The following PCDHGA2 variants were observed in gnomAD, a reference collection of about 807,000 sequenced individuals.
PCDHGA2 encodes the protein protocadherin gamma-A2.
A neutral mutation model predicts 59.2 loss-of-function variants in PCDHGA2; 40 were observed. The ratio of observed to expected loss-of-function variants is 0.68; its 90% CI spans 0.52 to 0.88. The LOEUF is 0.88. PCDHGA2 is among the 40% of genes least tolerant of loss of function. The pLI is 0.00. For synonymous variants in PCDHGA2, 560 were observed against 526.0 expected, an observed-to-expected ratio of 1.06 and a Z score of -0.89; for missense variants, 1,226 against 1,204.0, an observed-to-expected ratio of 1.02 and a Z score of -0.27.
At chr5:141,362,036 A>G in intron 1 of PCDHGA2, 1 of 1,609,914 alleles carries the variant, frequency 6.2e-7, no homozygotes, top group South Asian at 1.1e-5. Context: ...GCCTTGGGCG[A>G]CAGGGACGCG....
rs200422536 is a variant in PCDHGA2, at chr5:141,351,348, C to A, written c.2424+9953C>A. ...GATTCAGACCTTGGAACTGTAATAG[C>A]CCTCATAAAAGTGCGAGACAAGGAT... On this transcript the variant is annotated intron_variant, in intron 1 of 3. Coordinates refer to ENST00000394576, the MANE Select transcript of PCDHGA2 (RefSeq NM_018915.4). 4.3e-6 allele frequency: 7 copies of A among 1,613,314 alleles called. No individual in the cohort carries two copies. In the Admixed American group the frequency reaches 1.0e-4, roughly 23 times the overall value.
At chr5:141,459,136 T>C (rs1044347522) in intron 1 of PCDHGA2, among the ~76,000 whole-genome samples, 2 of 152,224 alleles carry the variant, frequency 1.3e-5, no homozygotes, top group Non-Finnish European at 2.9e-5. Context: ...GTAACCACCA[T>C]GCAATCAAAA....
intron 2 of PCDHGA2, among the ~76,000 whole-genome samples, chr5:141,496,827 C>A (rs1595415247): frequency 6.6e-6 from 1 of 151,780 alleles, no homozygotes; most frequent in East Asian, 1.9e-4. Context: ...TAGATGTGAT[C>A]CCAGAACTCA....
rs368927472 is a variant in PCDHGA2 at position 141,490,874 on chromosome 5, A to G, written c.2425-3933A>G. The G allele has an allele frequency of 2.4e-5, 39 of 1,613,830 alleles. No individual in the cohort carries two copies. Among genetic ancestry groups the G allele is most frequent in the Non-Finnish European group, 3.1e-5 (36 of 1,179,960 alleles). ...CGAGACTCCGGCTCTCCCCCATTGCATGCCAACACATCTCTGCATGTGTTT... is the reference window on the plus strand; with the variant it reads ...CGAGACTCCGGCTCTCCCCCATTGCGTGCCAACACATCTCTGCATGTGTTT... On this transcript the variant is annotated intron_variant, in intron 1 of 3. Transcript: ENST00000394576. This position sits in a 1 kb window ranked among gnomAD's most constrained non-coding sequence, Gnocchi z 5.4.
intron 1 of PCDHGA2, chr5:141,384,394 G>C (rs1252206948): frequency 1.2e-6 from 2 of 1,613,814 alleles, no homozygotes; most frequent in Non-Finnish European, 1.7e-6. Context: ...CATCCAGGGG[G>C]CTCCAGTGTC....
At chr5:141,463,981 A>G (rs1441851777) in intron 1 of PCDHGA2, among the ~76,000 whole-genome samples, 1 of 152,150 alleles carries the variant, frequency 6.6e-6, no homozygotes, top group Non-Finnish European at 1.5e-5. Context: ...ACTCCATTGT[A>G]AAAACCAGGT....
intron 1 of PCDHGA2, chr5:141,372,116 C>T: frequency 6.2e-7 from 1 of 1,613,806 alleles, no homozygotes; most frequent in Non-Finnish European, 8.5e-7. Context: ...GCTCTGCGCT[C>T]TTCGATATGG....
intron 1 of PCDHGA2, chr5:141,365,218 C>T: frequency 1.2e-6 from 2 of 1,613,898 alleles, no homozygotes; most frequent in Non-Finnish European, 1.7e-6. Context: ...AACTTGATTC[C>T]AACCTGGGGG....
At chr5:141,347,150 T>TCTTTCTTTCTTTCTTTCTTTCTTTCTTC (rs1757908746) in intron 1 of PCDHGA2, among the ~76,000 whole-genome samples, 9 of 132,996 alleles carry the variant, frequency 6.8e-5, no homozygotes, top group African/African-American at 2.5e-4. Flanking sequence ...TTTCTTTCTT[T>TCTTTCTTTCTTTCTTTCTTTCTTTCTTC]CTTTCTTTCT....
At position 141,500,878 on chromosome 5, in the gene PCDHGA2, T is replaced by A. The variant is rs545375199; in HGVS notation, c.2484-4515T>A. On this transcript the variant is annotated intron_variant, in intron 2 of 3. Transcript: ENST00000394576. The stretch of plus-strand genomic sequence containing the variant: ...AGAAAACATACACATTCATTTACAA[T>A]TTTTTTTTTTTGAGACAGTCTCGCT... Among the ~76,000 whole-genome samples, 20 of 92,410 alleles carry A rather than the reference T, an allele frequency of 2.2e-4. 1 individual carries two copies. The East Asian group carries it at 4.8e-3, about 22-fold the overall frequency. The allele number at this position is 92,410 out of a possible 152,430, so 60.6% of individuals were successfully genotyped here.
chr5:141,502,308 C>T (rs928137926), intron 2 of PCDHGA2, among the ~76,000 whole-genome samples: 2 of 151,586 alleles, frequency 1.3e-5, no homozygotes, highest in Non-Finnish European at 2.9e-5. Flanking sequence ...CTTTCCTCTC[C>T]TTTAATCTGG....
chr5:141,360,010 C>A, intron 1 of PCDHGA2: 1 of 1,236,796 alleles, frequency 8.1e-7, no homozygotes, highest in Non-Finnish European at 1.1e-6. Flanking sequence ...AAACCAACCA[C>A]ACAGAGAAGG....
In PCDHGA2 at chr5:141,511,188, C is replaced by A; in HGVS notation, c.*15C>A. 1 of 1,613,804 alleles carries A rather than the reference C, an allele frequency of 6.2e-7. No homozygotes were observed. ...AGAAGAAGTAACATGGAGGCCAGGC[C>A]AAGAGCCACAGGGCGGCCTCTCCCC... On this transcript the variant is annotated 3_prime_UTR_variant, in exon 4 of 4. Transcript: ENST00000394576.
At chr5:141,352,676 T>A (rs1759076682) in intron 1 of PCDHGA2, 2 of 1,573,452 alleles carry the variant, frequency 1.3e-6, no homozygotes, top group Non-Finnish European at 1.7e-6. Flanking sequence ...GCACGTGAGT[T>A]TCTGCAAATC....
intron 1 of PCDHGA2, among the ~76,000 whole-genome samples, chr5:141,460,983 GTATATA>G (rs59296681): frequency 0.23 from 32,081 of 137,558 alleles, 4,351 homozygotes; most frequent in African/African-American, 0.39. Context: ...GTGTGTGTGT[GTATATA>G]TATATATGTG....
intron 1 of PCDHGA2, chr5:141,413,395 G>C: frequency 6.2e-7 from 1 of 1,614,050 alleles, no homozygotes; most frequent in Non-Finnish European, 8.5e-7. Context: ...AGTCTCCAGA[G>C]GTAGGACGCA....
rs148558897 is a variant in PCDHGA2, at chr5:141,489,890, G to A, written c.2425-4917G>A. On this transcript the variant is annotated intron_variant, in intron 1 of 3. Coordinates refer to ENST00000394576, the MANE Select transcript of PCDHGA2 (RefSeq NM_018915.4). The surrounding 1 kb of genome is among the most constrained non-coding windows in gnomAD (Gnocchi z 4.5). Reference sequence around the variant, plus strand: ...CAGCTGGTGCTTACTGCTGTGGATGGGGGGACCCCAGCCCGCTCAGGGACC... The same window carrying A: ...CAGCTGGTGCTTACTGCTGTGGATGAGGGGACCCCAGCCCGCTCAGGGACC... 6.2e-7 allele frequency: 1 copy of A among 1,614,198 alleles called. No homozygotes were observed. The highest frequency in any genetic ancestry group is 8.5e-7 in the Non-Finnish European group (1 of 1,180,028).
Position 141,505,374 on chromosome 5 carries a change from C to T in PCDHGA2, c.2484-19C>T. The T allele has an allele frequency of 2.5e-6, 4 of 1,614,004 alleles. No homozygotes were observed. Among genetic ancestry groups the T allele is most frequent in the Non-Finnish European group, 2.5e-6 (3 of 1,179,944 alleles). On this transcript the variant is annotated intron_variant, in intron 2 of 3. Coordinates refer to ENST00000394576, the MANE Select transcript of PCDHGA2 (RefSeq NM_018915.4). Reference sequence around the variant, plus strand: ...TGCCGGCCTGGGAGTCTGTGCTCACCATCCTACTCTCTCCCCAGCTCCCAA... The same window carrying T: ...TGCCGGCCTGGGAGTCTGTGCTCACTATCCTACTCTCTCCCCAGCTCCCAA...
intron 1 of PCDHGA2, chr5:141,390,312 C>A: frequency 1.2e-6 from 2 of 1,612,028 alleles, no homozygotes; most frequent in South Asian, 2.2e-5. Flanking sequence ...ATTTAATGCT[C>A]ATTGCCTACC....
Sources: gnomAD v4.1 joint callset for allele counts (sites outside exome capture counted in the v4.1 genomes callset) on GRCh38, gnomAD v4.1.1 for gene constraint, Gnocchi (gnomAD v3.1) non-coding constraint, MANE v1.5 for transcripts, NCBI Gene and HGNC (gene_info 2026-07-23, HGNC 2026-07-21) for gene names.